Variants in DMD observed in about 807,000 individuals in gnomAD.
The protein encoded by DMD is mutant dystrophin.
In DMD, 63 loss-of-function variants were observed where a neutral mutation model predicts 330.1. That is an observed-to-expected ratio of 0.19 (90% CI 0.16 to 0.24). DMD has a LOEUF of 0.24. Among genes scored for constraint, DMD ranks in the 10% least tolerant of loss-of-function variants. The pLI is 1.00. For synonymous variants in DMD, 1,223 were observed against 959.8 expected (o/e 1.27, Z -5.07); for missense variants, 3,344 against 2,684.1 (o/e 1.25, Z -5.43).
chrX:32,503,019 T>G, intron 18 of DMD, among the ~76,000 whole-genome samples: 1 of 112,225 alleles, frequency 8.9e-6, no homozygotes, highest in East Asian at 2.8e-4. Flanking sequence ...TTATTTATTT[T>G]AAATAATTTA....
chrX:31,134,634 G>T (rs972047027), intron 76 of DMD, among the ~76,000 whole-genome samples: 13 of 111,258 alleles, frequency 1.2e-4, no homozygotes, highest in African/African-American at 3.6e-4. Flanking sequence ...TATTGGCCAG[G>T]CTGGTCTCGA....
intron 44 of DMD, among the ~76,000 whole-genome samples, chrX:32,006,475 C>A (rs2095662227): frequency 1.8e-5 from 2 of 111,685 alleles, no homozygotes; most frequent in South Asian, 7.4e-4. Context: ...TAGTTTTAAT[C>A]AAGCAAATAA....
intron 1 of DMD, among the ~76,000 whole-genome samples, chrX:33,279,772 T>C (rs2053294557): frequency 9.0e-6 from 1 of 111,281 alleles, no homozygotes; most frequent in Non-Finnish European, 1.9e-5. Context: ...TAATAATATC[T>C]CACTTTGGTT....
intron 63 of DMD, among the ~76,000 whole-genome samples, chrX:31,254,056 CT>C (rs2049675400): frequency 8.9e-6 from 1 of 112,059 alleles, no homozygotes; most frequent in Admixed American, 9.5e-5. Context: ...TGAGAAAACA[CT>C]TGTGGTTAAG....
rs773473691 is a variant in DMD at position 32,816,529 on chromosome X, T to C, written c.469A>G (p.Ile157Val). 6 of 1,209,801 alleles carry C rather than the reference T, an allele frequency of 5.0e-6. No homozygotes were observed. Residue 157 changes from isoleucine to valine, a missense_variant, in exon 6 of 79, where the codon ATC becomes GTC. Ile to Val is a conservative substitution (Grantham distance 29). Transcript: ENST00000357033. ...TCAGACCAGCTGGTGGTGAAGTTGA[T>C]TACATTAACCTGTGGATAATTACGA... ...STRNYPQVNV[I>V]NFTTSWSDGL...
chrX:32,017,085 T>C (rs1375835852), intron 44 of DMD, among the ~76,000 whole-genome samples: 1 of 112,183 alleles, frequency 8.9e-6, no homozygotes, highest in Admixed American at 9.5e-5. Context: ...GAAACGGCTT[T>C]GTTTGAATTC....
At chrX:32,790,282 G>C (rs12557992) in intron 7 of DMD, among the ~76,000 whole-genome samples, 2 of 112,052 alleles carry the variant, frequency 1.8e-5, no homozygotes, top group Non-Finnish European at 3.8e-5. Context: ...AGCTGAGATT[G>C]GCTAGGAGTC....
intron 1 of DMD, among the ~76,000 whole-genome samples, chrX:33,319,985 G>A (rs759823910): frequency 1.1e-3 from 120 of 111,573 alleles, no homozygotes; most frequent in Non-Finnish European, 1.9e-3. Flanking sequence ...GTGGGTGAGA[G>A]GTCAGTTAGA....
intron 7 of DMD, among the ~76,000 whole-genome samples, chrX:32,737,681 T>C (rs1401541518): frequency 8.9e-6 from 1 of 111,831 alleles, no homozygotes; most frequent in Non-Finnish European, 1.9e-5. Context: ...ACTAAATCAG[T>C]TGATGCTGAA....
At chrX:31,865,930 C>A (rs184019364) in intron 48 of DMD, among the ~76,000 whole-genome samples, 1 of 111,358 alleles carries the variant, frequency 9.0e-6, no homozygotes, top group Non-Finnish European at 1.9e-5. Context: ...AGGAGACATT[C>A]TCACTATTCT....
At chrX:32,871,865 G>C (rs2083022953) in intron 2 of DMD, among the ~76,000 whole-genome samples, 1 of 110,765 alleles carries the variant, frequency 9.0e-6, no homozygotes, top group Admixed American at 9.7e-5. Flanking sequence ...AATATGGTTT[G>C]GGAGGTCAAA....
intron 55 of DMD, among the ~76,000 whole-genome samples, chrX:31,622,729 C>G (rs912787244): frequency 6.5e-5 from 7 of 107,724 alleles, no homozygotes; most frequent in Non-Finnish European, 1.3e-4. Flanking sequence ...ACCCACCCCC[C>G]AAAAAAGAAA....
intron 1 of DMD, among the ~76,000 whole-genome samples, chrX:33,227,461 G>A (rs2052311273): frequency 9.0e-6 from 1 of 111,120 alleles, no homozygotes. Context: ...GGTAAGAATT[G>A]ATAAGAACAG....
chrX:31,291,530 G>C (rs755505173), intron 62 of DMD, among the ~76,000 whole-genome samples: 4 of 111,997 alleles, frequency 3.6e-5, no homozygotes, highest in African/African-American at 1.3e-4. Context: ...ACCAGCAAAG[G>C]CTGACCATAG....
intron 1 of DMD, among the ~76,000 whole-genome samples, chrX:33,032,022 G>T (rs2094123960): frequency 8.9e-6 from 1 of 111,736 alleles, no homozygotes; most frequent in South Asian, 3.8e-4. Flanking sequence ...GAACAAGTTG[G>T]TAGTTTACAT....
At chrX:31,238,907 T>C (rs906683250) in intron 63 of DMD, among the ~76,000 whole-genome samples, 2 of 111,941 alleles carry the variant, frequency 1.8e-5, no homozygotes, top group African/African-American at 3.2e-5. Context: ...ACCAGGAATG[T>C]AACTAGACCA....
chrX:32,423,005 AT>A (rs1294771096), intron 29 of DMD, among the ~76,000 whole-genome samples: 1 of 111,148 alleles, frequency 9.0e-6, no homozygotes, highest in Admixed American at 9.6e-5. Flanking sequence ...AATTAAAGTT[AT>A]TGACAAGTTT....
intron 4 of DMD, among the ~76,000 whole-genome samples, chrX:32,826,448 T>A (rs1339744159): frequency 9.0e-6 from 1 of 111,156 alleles, no homozygotes; most frequent in Non-Finnish European, 1.9e-5. Context: ...TGTCCATCAG[T>A]AGATGAAAGA....
chrX:32,847,583 G>A (rs1168354910), intron 3 of DMD, among the ~76,000 whole-genome samples: 1 of 112,242 alleles, frequency 8.9e-6, no homozygotes, highest in Non-Finnish European at 1.9e-5. Flanking sequence ...ATTTGTTAGA[G>A]GTGATTCTGC....
Sources: allele counts gnomAD v4.1 joint callset (sites outside exome capture counted in the v4.1 genomes callset), GRCh38; gene constraint gnomAD v4.1.1; transcripts MANE v1.5; gene names NCBI Gene and HGNC (gene_info 2026-07-23, HGNC 2026-07-21).